The following PRUNE2 variants were observed in gnomAD, a reference collection of about 807,000 sequenced individuals.
PRUNE2 encodes the protein prune homolog 2 with BCH domain.
PRUNE2 carries 164 observed loss-of-function variants against 252.0 expected under a neutral mutation model. The ratio of observed to expected loss-of-function variants is 0.65; its 90% confidence interval spans 0.57 to 0.74. The LOEUF (loss-of-function observed/expected upper bound fraction) is 0.74, where lower values mean the gene tolerates loss of function less well. Ranked by LOEUF, PRUNE2 falls within the 30% of genes least tolerant of loss-of-function variation. PRUNE2 has a pLI of 0.00. For missense variants in PRUNE2, 3,495 were observed against 3,711.0 expected, an observed-to-expected ratio of 0.94 and a Z score of 1.51; for synonymous variants, 1,292 against 1,350.2, an observed-to-expected ratio of 0.96 and a Z score of 0.94.
chr9:76,880,768 C>T (rs1216350340), intron 1 of PRUNE2, among the ~76,000 whole-genome samples: 1 of 152,108 alleles, frequency 6.6e-6, no homozygotes, highest in African/African-American at 2.4e-5. Flanking sequence ...CTAGCTGCTG[C>T]TCACTAAGAT....
At chr9:76,854,324 T>C in intron 1 of PRUNE2, 116 bp from the exon 2 acceptor site, 2 of 483,684 alleles carry the variant, frequency 4.1e-6, no homozygotes, top group Non-Finnish European at 7.3e-6. Flanking sequence ...TGGCAGAGAA[T>C]CATAAATTTA....
At chr9:76,789,162 T>C (rs13295176) in intron 6 of PRUNE2, among the ~76,000 whole-genome samples, 10,028 of 152,302 alleles carry the variant, frequency 0.066, 307 homozygotes, top group East Asian at 0.083. Context: ...TATATTGCCA[T>C]CTTGAGCCAA....
rs1265772611 is a variant in PRUNE2, at chr9:76,900,023, G to A, written c.36+5905C>T. ...AAAATGATCTCCCTGGAAGCAGGGT[G>A]AAAGCAGTTTGCCAGCCATTGTGGT... On this transcript the variant is annotated intron_variant, in intron 1 of 18. Coordinates refer to ENST00000376718, the MANE Select transcript of PRUNE2 (RefSeq NM_015225.3). Among the ~76,000 whole-genome samples the A allele has an allele frequency of 6.6e-5, 10 of 152,190 alleles. 1 individual carries two copies. The highest frequency in any genetic ancestry group is 6.5e-4 in the Admixed American group (10 of 15,286).
chr9:76,628,104 T>C (rs1475381129), intron 16 of PRUNE2, among the ~76,000 whole-genome samples: 1 of 152,046 alleles, frequency 6.6e-6, no homozygotes, highest in Non-Finnish European at 1.5e-5. Flanking sequence ...CCCTCTCCAT[T>C]CAAATGAAAT....
At chr9:76,793,008 A>T (rs1017585393) in intron 6 of PRUNE2, among the ~76,000 whole-genome samples, 9 of 152,232 alleles carry the variant, frequency 5.9e-5, no homozygotes. Flanking sequence ...AACAAAACTG[A>T]TGCTTAGGGC....
At chr9:76,638,997 T>C (rs894259934) in intron 12 of PRUNE2, among the ~76,000 whole-genome samples, 7 of 152,150 alleles carry the variant, frequency 4.6e-5, no homozygotes, top group Admixed American at 3.3e-4. Context: ...AACTGACACA[T>C]TGGGCTCTGG....
intron 9 of PRUNE2, among the ~76,000 whole-genome samples, chr9:76,663,375 C>A (rs2039509294): frequency 6.6e-6 from 1 of 152,226 alleles, no homozygotes; most frequent in African/African-American, 2.4e-5. Flanking sequence ...TGACTGCACA[C>A]AGTAGGAAGA....
chr9:76,898,671 C>G (rs1053481759), intron 1 of PRUNE2, among the ~76,000 whole-genome samples: 3 of 151,544 alleles, frequency 2.0e-5, no homozygotes, highest in African/African-American at 7.3e-5. Flanking sequence ...TAAGTAGTAA[C>G]AATTAAAAAA....
rs149235308 is a variant in PRUNE2 at position 76,644,641 on chromosome 9, G to A, written c.8728+98C>T. 3.6e-4 allele frequency: 402 copies of A among 1,114,298 alleles called. 5 individuals carry two copies. In the East Asian group the frequency reaches 9.5e-3, roughly 26 times the overall value. The allele number at this position is 1,114,298 out of a possible 1,614,324, so 69.0% of individuals were successfully genotyped here. ...ATATTGGCTCTAGAATAGGGTCTTT[G>A]AGATGTCATGTTCCGGAGAAGTCTA... On this transcript the variant is annotated intron_variant, in intron 12 of 18. Coordinates refer to ENST00000376718, the MANE Select transcript of PRUNE2 (RefSeq NM_015225.3).
chr9:76,822,472 C>T (rs1229199528), intron 6 of PRUNE2, among the ~76,000 whole-genome samples: 2 of 152,126 alleles, frequency 1.3e-5, no homozygotes, highest in Non-Finnish European at 2.9e-5. Context: ...CCTGCTATTC[C>T]AGAGAAATAT....
chr9:76,863,787 C>A (rs1314851744), intron 1 of PRUNE2, among the ~76,000 whole-genome samples: 1 of 152,188 alleles, frequency 6.6e-6, no homozygotes, highest in Non-Finnish European at 1.5e-5. Context: ...CTCTGCTTTG[C>A]CTCATGTCAA....
At chr9:76,838,512 G>A (rs1435525249) in intron 4 of PRUNE2, among the ~76,000 whole-genome samples, 1 of 151,922 alleles carries the variant, frequency 6.6e-6, no homozygotes, top group Non-Finnish European at 1.5e-5. Context: ...GGGCATGGTG[G>A]CAGATGCCTG....
At chr9:76,791,233 C>A (rs1052887712) in intron 6 of PRUNE2, among the ~76,000 whole-genome samples, 1 of 149,986 alleles carries the variant, frequency 6.7e-6, no homozygotes, top group Non-Finnish European at 1.5e-5. Context: ...ATCATTGGTA[C>A]AATAATACTG....
intron 1 of PRUNE2, among the ~76,000 whole-genome samples, chr9:76,882,444 G>A (rs560043316): frequency 6.6e-6 from 1 of 152,308 alleles, no homozygotes; most frequent in South Asian, 2.1e-4. Flanking sequence ...AAAAACACTT[G>A]AGACTGGTAA....
intron 9 of PRUNE2, among the ~76,000 whole-genome samples, chr9:76,699,271 T>C (rs2045679941): frequency 6.6e-6 from 1 of 152,108 alleles, no homozygotes; most frequent in South Asian, 2.1e-4. Context: ...TTGTTTAACA[T>C]ATAGATCAGA....
chr9:76,775,875 C>T lies in PRUNE2; in HGVS notation c.756+47757G>A, dbSNP rs114493798. Among the ~76,000 whole-genome samples, 1,233 of 152,230 alleles carry T rather than the reference C, an allele frequency of 8.1e-3. 11 individuals carry two copies. The highest frequency in any genetic ancestry group is 0.021 in the African/African-American group (882 of 41,520). Reference sequence around the variant, plus strand: ...CTTTAGCTCGGACCAACACCAAGTACCACCATTTCTATAACTTCCATTACT... The same window carrying T: ...CTTTAGCTCGGACCAACACCAAGTATCACCATTTCTATAACTTCCATTACT... On this transcript the variant is annotated intron_variant, in intron 6 of 18. Transcript: ENST00000376718.
At chr9:76,794,613 C>CAAAAAAAA (rs11358425) in intron 6 of PRUNE2, among the ~76,000 whole-genome samples, 1 of 67,906 alleles carries the variant, frequency 1.5e-5, no homozygotes, top group African/African-American at 4.9e-5. Flanking sequence ...GACTCTGTCT[C>CAAAAAAAA]AAAAAAAAAA....
intron 1 of PRUNE2, among the ~76,000 whole-genome samples, chr9:76,898,767 C>G (rs2062994735): frequency 6.6e-6 from 1 of 152,112 alleles, no homozygotes; most frequent in Non-Finnish European, 1.5e-5. Flanking sequence ...GAAGCCAAAG[C>G]AAGAAATATC....
Position 76,709,011 on chromosome 9 carries a change from T to A in PRUNE2, c.3263A>T (p.Tyr1088Phe). 1 of 1,614,028 alleles carries A rather than the reference T, an allele frequency of 6.2e-7. No individual in the cohort carries two copies. Among genetic ancestry groups the A allele is most frequent in the Admixed American group, 1.7e-5 (1 of 60,022 alleles). Residue 1088 changes from tyrosine (Y) to phenylalanine (F), a missense_variant, in exon 8 of 19, where the codon TAC becomes TTC. Tyr to Phe is a conservative substitution (Grantham distance 22). Transcript: ENST00000376718. ...SYDDPSMMQLYNETNRQLTLL... is the reference protein window; with the variant it reads ...SYDDPSMMQLFNETNRQLTLL... ...TGTGAGTTGTCGGTTTGTTTCATTG[T>A]ACAGTTGCATCATGCTGGGGTCGTC...
Sources: gnomAD v4.1 joint callset for allele counts (sites outside exome capture counted in the v4.1 genomes callset) on GRCh38, gnomAD v4.1.1 for gene constraint, MANE v1.5 for transcripts, NCBI Gene and HGNC (gene_info 2026-07-23, HGNC 2026-07-21) for gene names.